MAST3: variants seen among roughly 807,000 people sequenced by gnomAD.
The protein encoded by MAST3 is microtubule-associated serine/threonine-protein kinase 3.
A neutral mutation model predicts 127.0 loss-of-function variants in MAST3; 43 were observed. The ratio of observed to expected loss-of-function variants is 0.34; its 90% CI spans 0.27 to 0.44. The LOEUF is 0.44. MAST3 is among the 20% of genes least tolerant of loss of function. The pLI, the probability that MAST3 is intolerant of heterozygous loss-of-function variation, is 1.00. For missense variants in MAST3, 1,390 were observed against 1,919.1 expected, an observed-to-expected ratio of 0.72 and a Z score of 5.15; for synonymous variants, 785 against 809.2, an observed-to-expected ratio of 0.97 and a Z score of 0.51.
At chr19:18,146,839 T>C in intron 25 of MAST3, 42 bp from the exon 26 acceptor site, 1 of 1,513,346 alleles carries the variant, frequency 6.6e-7, no homozygotes, top group Non-Finnish European at 8.9e-7. Flanking sequence ...TGCTGGGCCC[T>C]GTGAGAGGCA....
At chr19:18,143,133 AAAC>A (rs2042688864) in intron 21 of MAST3, among the ~76,000 whole-genome samples, 1 of 151,722 alleles carries the variant, frequency 6.6e-6, no homozygotes, top group Non-Finnish European at 1.5e-5. Context: ...ACAAAACAAA[AAAC>A]AAAAAATTGC....
chr19:18,116,088 A>ATTT (rs2039190139), intron 3 of MAST3, among the ~76,000 whole-genome samples: 2 of 41,408 alleles, frequency 4.8e-5, no homozygotes, highest in Non-Finnish European at 8.5e-5. Context: ...ATTTGAAATT[A>ATTT]TCTTTTTTTT....
In MAST3 at chr19:18,139,026, C is replaced by T. The variant is rs761821916; in HGVS notation, c.2107C>T (p.Arg703Cys). 4.4e-6 allele frequency: 7 copies of T among 1,591,940 alleles called. No homozygotes were observed. Among genetic ancestry groups the T allele is most frequent in the South Asian group, 1.1e-5 (1 of 87,374 alleles). The stretch of plus-strand genomic sequence containing the variant: ...TCTCCCTCCCACAGCACGTTCGGAA[C>T]GTTACCGCCATCTGGGCTCCGAGGA... ...DTSYFDTRSE[R>C]YRHLGSEDDE... Residue 703 changes from arginine to cysteine, a missense_variant, in exon 20 of 28, where the codon CGT (arginine) becomes TGT (cysteine). Physicochemically the swap from Arg to Cys is radical, Grantham distance 180 (BLOSUM62 -3). Transcript: ENST00000687212.
intron 6 of MAST3, 126 bp downstream of exon 6, chr19:18,122,877 C>T (rs1369992581): frequency 9.8e-7 from 1 of 1,021,890 alleles, no homozygotes; most frequent in Non-Finnish European, 1.5e-6. Flanking sequence ...TTACTTCCTC[C>T]ATGCACGCCC....
Position 18,130,521 on chromosome 19 carries a change from C to G in MAST3, c.1251C>G (p.Asp417Glu). Residue 417 changes from aspartate (D) to glutamate (E), a missense_variant, in exon 14 of 28, where the codon GAC becomes GAG. Asp to Glu is a conservative substitution (Grantham distance 45). Coordinates refer to ENST00000687212, the MANE Select transcript of MAST3 (RefSeq NM_001393504.1). ...YGAVYLVRHR[D>E]TRQRFAIKKI... ...CCGTCTACCTGGTGCGGCACCGTGA[C>G]ACACGGCAGCGCTTTGCCATCAAGA... 6.2e-7 allele frequency: 1 copy of G among 1,608,332 alleles called. No individual in the cohort carries two copies.
rs58948738 is a variant in MAST3 at position 18,129,922 on chromosome 19, C to CAAAA, written c.1224-560_1224-557dup. Among the ~76,000 whole-genome samples the CAAAA allele has an allele frequency of 5.5e-4, 64 of 116,648 alleles. 1 individual carries two copies. In the East Asian group the frequency reaches 0.014, roughly 26 times the overall value. The allele number at this position is 116,648 out of a possible 152,430, so 76.5% of individuals were successfully genotyped here. ...CCTGGGTGACACAGTGAGACCATCT[C>CAAAA]AAAAAAAAAAAAAAAGGAAAGAAAG... On this transcript the variant is annotated intron_variant, in intron 13 of 27. Transcript: ENST00000687212.
In MAST3 at chr19:18,144,645, G is replaced by A. The variant is rs751750728; in HGVS notation, c.2764G>A (p.Val922Met). 5.8e-5 allele frequency: 94 copies of A among 1,610,818 alleles called. No homozygotes were observed. Among genetic ancestry groups the A allele is most frequent in the Non-Finnish European group, 7.3e-5 (86 of 1,179,850 alleles). ...GGSGGGSGGR[V>M]PKSASVSALS... Reference sequence around the variant, plus strand: ...CAGTGGTGGCGGCAGTGGGGGCCGCGTGCCCAAGTCAGCCTCTGTCTCTGC... The same window carrying A: ...CAGTGGTGGCGGCAGTGGGGGCCGCATGCCCAAGTCAGCCTCTGTCTCTGC... The change falls in exon 23 of 28, where the codon GTG becomes ATG. Residue 922 changes from valine to methionine, a missense_variant. This residue lies in a region of MAST3 where 816 missense variants were observed against 934.1 expected (regional missense o/e 0.87). Coordinates refer to ENST00000687212, the MANE Select transcript of MAST3 (RefSeq NM_001393504.1). The surrounding 1 kb of genome is among the most constrained non-coding windows in gnomAD (Gnocchi z 4.0).
At chr19:18,133,280 G>A (rs547800726) in intron 15 of MAST3, among the ~76,000 whole-genome samples, 1 of 152,202 alleles carries the variant, frequency 6.6e-6, no homozygotes, top group Admixed American at 6.6e-5. Flanking sequence ...ACATTTTCTT[G>A]GTTGGCATGT....
intron 3 of MAST3, among the ~76,000 whole-genome samples, chr19:18,115,680 C>G (rs987816517): frequency 2.6e-5 from 4 of 152,168 alleles, no homozygotes; most frequent in Non-Finnish European, 5.9e-5. Flanking sequence ...CAATATTCCC[C>G]TCCCAGACAC....
At position 18,144,934 on chromosome 19, in the gene MAST3, G is replaced by C; in HGVS notation, c.2813-69G>C. The C allele has an allele frequency of 1.1e-6, 1 of 938,146 alleles. No individual in the cohort carries two copies. The highest frequency in any genetic ancestry group is 1.7e-6 in the Non-Finnish European group (1 of 597,198). 58.1% of individuals were successfully genotyped at this position (938,146 alleles called of 1,614,324 possible). Reference sequence around the variant, plus strand: ...GCAAAGTGGCCAGGGTGGTCGTTGTGGTGGGAAAGAGGGGGCCCCAGGGGA... The same window carrying C: ...GCAAAGTGGCCAGGGTGGTCGTTGTCGTGGGAAAGAGGGGGCCCCAGGGGA... On this transcript the variant is annotated intron_variant, in intron 23 of 27. Coordinates refer to ENST00000687212, the MANE Select transcript of MAST3 (RefSeq NM_001393504.1). The surrounding 1 kb of genome is among the most constrained non-coding windows in gnomAD (Gnocchi z 4.0).
rs766393108 is a variant in MAST3 at position 18,149,198 on chromosome 19, T to TGCATCCCCACCCAGC, written c.3525_3539dup (p.Pro1176_Pro1180dup). 6.6e-7 allele frequency: 1 copy of TGCATCCCCACCCAGC among 1,523,248 alleles called. No homozygotes were observed. Among genetic ancestry groups the TGCATCCCCACCCAGC allele is most frequent in the Non-Finnish European group, 8.8e-7 (1 of 1,137,808 alleles). 94.4% of individuals were successfully genotyped at this position (1,523,248 alleles called of 1,614,324 possible). ...TACGCTTATCACCCACAGATACCACTGCATCCCCACCCAGCGCATCCCCGA... is the reference window on the plus strand; with the variant it reads ...TACGCTTATCACCCACAGATACCACTGCATCCCCACCCAGCGCATCCCCACCCAGCGCATCCCCGA... On this transcript the variant is annotated inframe_insertion, in exon 28 of 28. Coordinates refer to ENST00000687212, the MANE Select transcript of MAST3 (RefSeq NM_001393504.1). This position sits in a 1 kb window ranked among gnomAD's most constrained non-coding sequence, Gnocchi z 5.9.
intron 11 of MAST3, among the ~76,000 whole-genome samples, chr19:18,127,090 ATTT>A (rs897588424): frequency 6.6e-6 from 1 of 151,892 alleles, no homozygotes; most frequent in Non-Finnish European, 1.5e-5. Flanking sequence ...TACAAAAAGT[ATTT>A]TTAAAAATTA....
chr19:18,137,692 T>C (rs568634986), intron 19 of MAST3, among the ~76,000 whole-genome samples: 8 of 152,146 alleles, frequency 5.3e-5, no homozygotes, highest in African/African-American at 1.7e-4. Flanking sequence ...TGGGGCCCCA[T>C]CTGTTACCCA....
At position 18,107,632 on chromosome 19, in the gene MAST3, G is replaced by A. The variant is rs1371224004; in HGVS notation, c.71+14G>A. 1 of 1,611,892 alleles carries A rather than the reference G, an allele frequency of 6.2e-7. No individual in the cohort carries two copies. The stretch of plus-strand genomic sequence containing the variant: ...CCGAGGACGTGGGTGAGTTCACCTG[G>A]GACTGGCGGGCTGGGTGGGCCCCAG... On this transcript the variant is annotated intron_variant, in intron 2 of 27. Coordinates refer to ENST00000687212, the MANE Select transcript of MAST3 (RefSeq NM_001393504.1).
At position 18,110,218 on chromosome 19, in the gene MAST3, C is replaced by T; in HGVS notation, c.72-434C>T. On this transcript the variant is annotated intron_variant, in intron 2 of 27. Coordinates refer to ENST00000687212, the MANE Select transcript of MAST3 (RefSeq NM_001393504.1). This position sits in a 1 kb window ranked among gnomAD's most constrained non-coding sequence, Gnocchi z 4.3. ...CCAGCCAGGCGTCTGTCCCTGCGTC[C>T]GTGTGTCCGTCCGTCGGTCCGCTCG... is the stretch of plus-strand genomic sequence containing the variant. The T allele has an allele frequency of 2.0e-6, 2 of 985,436 alleles. No individual in the cohort carries two copies. The highest frequency in any genetic ancestry group is 1.7e-5 in the African/African-American group (1 of 57,366). 61.0% of individuals were successfully genotyped at this position (985,436 alleles called of 1,614,324 possible).
intron 3 of MAST3, chr19:18,118,018 C>T: frequency 8.4e-6 from 6 of 717,594 alleles, no homozygotes; most frequent in Non-Finnish European, 1.0e-5. Context: ...CGCTCGGGGG[C>T]GCGCGCTTCC....
intron 5 of MAST3, 130 bp from the exon 6 acceptor site, chr19:18,122,543 G>A: frequency 6.4e-6 from 5 of 781,608 alleles, no homozygotes; most frequent in Non-Finnish European, 8.8e-6. Flanking sequence ...CTGTGTCTCT[G>A]TTCTTGGTTA....
chr19:18,106,166 C>G (rs187654833), intron 1 of MAST3, among the ~76,000 whole-genome samples: 9 of 152,226 alleles, frequency 5.9e-5, no homozygotes, highest in African/African-American at 1.7e-4. Flanking sequence ...TAGTTCACTG[C>G]AACCTCCAAC....
Position 18,132,005 on chromosome 19 carries a change from T to C in MAST3, c.1529T>C (p.Leu510Pro). Residue 510 changes from leucine (L) to proline (P), a missense_variant, in exon 15 of 28, where the codon CTG (leucine) becomes CCG (proline). By Grantham distance (98) the Leu-to-Pro change is moderately conservative. Coordinates refer to ENST00000687212, the MANE Select transcript of MAST3 (RefSeq NM_001393504.1). ...FAETVLALEY[L>P]HNYGIVHRDL... ...GAGACGGTGTTGGCGCTGGAGTACC[T>C]GCATAACTATGGCATCGTGCACCGT... The C allele has an allele frequency of 6.2e-7, 1 of 1,614,148 alleles. No homozygotes were observed. The highest frequency in any genetic ancestry group is 8.5e-7 in the Non-Finnish European group (1 of 1,180,030).
Sources: allele counts gnomAD v4.1 joint callset (sites outside exome capture counted in the v4.1 genomes callset), GRCh38; gene constraint gnomAD v4.1.1; regional missense constraint gnomAD v4.1.1; non-coding constraint Gnocchi (gnomAD v3.1); transcripts MANE v1.5; gene names NCBI Gene and HGNC (gene_info 2026-07-23, HGNC 2026-07-21).